The following CDK14 variants were observed in gnomAD, a reference collection of about 807,000 sequenced individuals.
The protein encoded by CDK14 is cyclin dependent kinase 14.
Under a neutral mutation model 60.7 loss-of-function variants are expected in CDK14, and 34 were observed. That is an observed-to-expected ratio of 0.56 (90% confidence interval 0.43 to 0.75). The LOEUF (loss-of-function observed/expected upper bound fraction) is 0.75. Ranked by LOEUF, CDK14 falls within the 30% of genes least tolerant of loss-of-function variation. The probability of loss-of-function intolerance (pLI) is 0.00; values close to 1 mark genes in which losing one functional copy is unlikely to be tolerated. For missense variants in CDK14, 482 were observed against 564.1 expected (o/e 0.85, Z 1.47); for synonymous variants, 197 against 203.7 (o/e 0.97, Z 0.28).
chr7:90,596,486 C>T lies in CDK14; in HGVS notation c.-142C>T, dbSNP rs1408815135. On this transcript the variant is annotated 5_prime_UTR_variant, in exon 1 of 15. Transcript: ENST00000380050. ...CTCCGCCTGCCTGCTGCTCGCCTCC[C>T]TAGACCTGCGCGTCGCTTCCCGGCC... 5 of 662,372 alleles carry T rather than the reference C, an allele frequency of 7.5e-6. No individual in the cohort carries two copies. In the Admixed American group the frequency reaches 1.1e-4, roughly 15 times the overall value. 41.0% of individuals were successfully genotyped at this position (662,372 alleles called of 1,614,324 possible).
At chr7:90,821,123 C>T (rs1789530770) in intron 5 of CDK14, among the ~76,000 whole-genome samples, 1 of 152,172 alleles carries the variant, frequency 6.6e-6, no homozygotes, top group Non-Finnish European at 1.5e-5. Context: ...CCTTCTTTCA[C>T]ATTCCTCTAC....
chr7:90,901,463 A>AT (rs1474103008), intron 7 of CDK14, among the ~76,000 whole-genome samples: 2 of 151,972 alleles, frequency 1.3e-5, no homozygotes, highest in African/African-American at 4.8e-5. Context: ...ACCTCTTCTT[A>AT]TTTTTTAAAA....
intron 14 of CDK14, among the ~76,000 whole-genome samples, chr7:91,175,598 A>G (rs1322353687): frequency 1.3e-5 from 2 of 151,850 alleles, no homozygotes; most frequent in African/African-American, 2.4e-5. Flanking sequence ...GGCTCAAAAT[A>G]AAAGGATGGA....
At chr7:91,206,227 T>C (rs1802893694) in intron 14 of CDK14, among the ~76,000 whole-genome samples, 1 of 152,164 alleles carries the variant, frequency 6.6e-6, no homozygotes, top group South Asian at 2.1e-4. Context: ...AGGTGCACTG[T>C]GAAGTCTCAA....
At chr7:91,056,786 AT>A (rs930564153) in intron 11 of CDK14, among the ~76,000 whole-genome samples, 44 of 152,168 alleles carry the variant, frequency 2.9e-4, no homozygotes, top group African/African-American at 1.1e-3. Flanking sequence ...TATGTGCCAC[AT>A]TTTCTTAATC....
intron 2 of CDK14, among the ~76,000 whole-genome samples, chr7:90,621,487 T>A (rs1165686400): frequency 6.6e-6 from 1 of 152,252 alleles, no homozygotes; most frequent in East Asian, 1.9e-4. Context: ...TACCTCTCTC[T>A]GAATCTCATT....
chr7:90,986,205 A>G (rs1468711789), intron 10 of CDK14, among the ~76,000 whole-genome samples: 1 of 152,070 alleles, frequency 6.6e-6, no homozygotes, highest in African/African-American at 2.4e-5. Flanking sequence ...CATTATATGG[A>G]TGAGACATTA....
chr7:90,925,286 T>C (rs1047756080), intron 8 of CDK14, among the ~76,000 whole-genome samples: 13 of 152,302 alleles, frequency 8.5e-5, no homozygotes, highest in African/African-American at 2.9e-4. Context: ...AAATCTGTCC[T>C]GTGAAACAAT....
At chr7:91,050,682 A>G (rs944586011) in intron 11 of CDK14, among the ~76,000 whole-genome samples, 3 of 152,200 alleles carry the variant, frequency 2.0e-5, no homozygotes, top group African/African-American at 7.2e-5. Context: ...AAAGGAATTC[A>G]TGAGACTAAG....
intron 14 of CDK14, among the ~76,000 whole-genome samples, chr7:91,186,311 C>T (rs1226015255): frequency 9.2e-6 from 1 of 108,522 alleles, no homozygotes; most frequent in African/African-American, 3.3e-5. Context: ...CCCTCCCCTT[C>T]GATTCCCTTC....
chr7:90,707,465 A>G (rs1256289123), intron 2 of CDK14, among the ~76,000 whole-genome samples: 2 of 151,868 alleles, frequency 1.3e-5, no homozygotes, highest in Non-Finnish European at 2.9e-5. Flanking sequence ...TCACCTCTCC[A>G]ATCCATTTCT....
intron 4 of CDK14, among the ~76,000 whole-genome samples, chr7:90,764,810 G>A (rs1174940004): frequency 1.3e-5 from 2 of 152,130 alleles, no homozygotes; most frequent in African/African-American, 4.8e-5. Flanking sequence ...GGGTCTCTTT[G>A]GGATTGCTGT....
chr7:91,016,988 A>G lies in CDK14; in HGVS notation c.1042-28909A>G, dbSNP rs191378049. 3.1e-3 allele frequency among the ~76,000 whole-genome samples: 471 copies of G among 152,330 alleles called. 4 individuals are homozygous for G. The highest frequency in any genetic ancestry group is 0.011 in the African/African-American group (441 of 41,580). Reference sequence around the variant, plus strand: ...ATAAGCAACAAAATGATATTAAGGAAGAAGGCAGGCAAAATTCCTATGGGG... The same window carrying G: ...ATAAGCAACAAAATGATATTAAGGAGGAAGGCAGGCAAAATTCCTATGGGG... On this transcript the variant is annotated intron_variant, in intron 10 of 14. Coordinates refer to ENST00000380050, the MANE Select transcript of CDK14 (RefSeq NM_001287135.2).
intron 12 of CDK14, among the ~76,000 whole-genome samples, chr7:91,092,636 T>G (rs764062975): frequency 1.7e-4 from 26 of 152,186 alleles, no homozygotes; most frequent in Non-Finnish European, 3.1e-4. Flanking sequence ...AACAGCCAAT[T>G]GCAAACTCCA....
intron 14 of CDK14, among the ~76,000 whole-genome samples, chr7:91,166,636 C>T (rs926275045): frequency 6.6e-5 from 10 of 152,122 alleles, no homozygotes; most frequent in South Asian, 2.1e-4. Flanking sequence ...AGTGTAGAGG[C>T]ATCCGAGTAA....
At chr7:90,953,024 G>T (rs1476405321) in intron 8 of CDK14, among the ~76,000 whole-genome samples, 1 of 151,550 alleles carries the variant, frequency 6.6e-6, no homozygotes, top group South Asian at 2.1e-4. Context: ...CTCTTTCTTT[G>T]CTTCTTTTTG....
chr7:91,173,478 C>G (rs967095422), intron 14 of CDK14, among the ~76,000 whole-genome samples: 3 of 151,880 alleles, frequency 2.0e-5, no homozygotes, highest in Admixed American at 2.0e-4. Context: ...AGGAACAGCT[C>G]CGGTCTATAG....
intron 11 of CDK14, among the ~76,000 whole-genome samples, chr7:91,069,509 C>T (rs1201824055): frequency 6.6e-6 from 1 of 151,804 alleles, no homozygotes; most frequent in Admixed American, 6.6e-5. Flanking sequence ...CCACTGCACT[C>T]CATCCAGAGT....
intron 14 of CDK14, among the ~76,000 whole-genome samples, chr7:91,130,207 A>T (rs1003240115): frequency 2.6e-5 from 4 of 152,160 alleles, no homozygotes; most frequent in African/African-American, 9.6e-5. Context: ...CATATTTGTG[A>T]ACCCAACTCT....
Sources: allele counts gnomAD v4.1 joint callset (sites outside exome capture counted in the v4.1 genomes callset), GRCh38; gene constraint gnomAD v4.1.1; transcripts MANE v1.5; gene names NCBI Gene and HGNC (gene_info 2026-07-23, HGNC 2026-07-21).